Variants in ACACA observed in about 807,000 individuals in gnomAD.
ACACA encodes the protein acetyl-CoA carboxylase alpha.
ACACA carries 103 observed loss-of-function variants against 296.1 expected under a neutral mutation model. The ratio of observed to expected loss-of-function variants is 0.35; its 90% CI spans 0.30 to 0.41. The LOEUF (loss-of-function observed/expected upper bound fraction) is 0.41, where lower values mean the gene tolerates loss of function less well. Among genes scored for constraint, ACACA ranks in the 10% least tolerant of loss-of-function variants. The pLI is 1.00. For missense variants in ACACA, 1,554 were observed against 2,989.7 expected (o/e 0.52, Z 11.20); for synonymous variants, 953 against 1,038.6 (o/e 0.92, Z 1.58).
At chr17:37,341,572 C>T (rs1299666699) in intron 1 of ACACA, among the ~76,000 whole-genome samples, 1 of 151,854 alleles carries the variant, frequency 6.6e-6, no homozygotes, top group East Asian at 1.9e-4. Context: ...TGCCTGTAAT[C>T]CCAGCTACTC....
intron 7 of ACACA, 54 bp downstream of exon 7, chr17:37,276,979 G>A (rs1427790838): frequency 4.6e-6 from 7 of 1,514,468 alleles, no homozygotes; most frequent in Non-Finnish European, 6.4e-6. Flanking sequence ...GTAAAATGTG[G>A]GCAAAATTGA....
At chr17:37,342,406 C>CAAAAAAA (rs1173872959) in intron 1 of ACACA, among the ~76,000 whole-genome samples, 10 of 21,118 alleles carry the variant, frequency 4.7e-4, no homozygotes, top group African/African-American at 1.0e-3. Context: ...GACTGTCTCT[C>CAAAAAAA]AAAAAAAAAA....
intron 45 of ACACA, chr17:37,143,459 T>C: frequency 4.0e-6 from 1 of 252,398 alleles, no homozygotes; most frequent in South Asian, 5.7e-5. Context: ...ACAACCCCCA[T>C]CCTGTACCAG....
intron 1 of ACACA, among the ~76,000 whole-genome samples, chr17:37,385,793 A>T (rs2050500409): frequency 1.3e-5 from 2 of 152,162 alleles, no homozygotes; most frequent in African/African-American, 4.8e-5. Context: ...GTTAGTTAAA[A>T]GTCCCATGGG....
At chr17:37,369,575 G>T (rs1043097557) in intron 1 of ACACA, 4 of 152,014 alleles carry the variant, frequency 2.6e-5, no homozygotes, top group Non-Finnish European at 4.4e-5. Flanking sequence ...AGCTGAGATG[G>T]TAGGATCACT....
intron 14 of ACACA, among the ~76,000 whole-genome samples, chr17:37,256,716 A>G (rs1598330223): frequency 6.6e-6 from 1 of 152,346 alleles, no homozygotes; most frequent in East Asian, 1.9e-4. Context: ...TGGGTGACAG[A>G]GCAAGACTCT....
intron 3 of ACACA, among the ~76,000 whole-genome samples, chr17:37,293,320 T>C (rs1468203819): frequency 1.3e-5 from 2 of 152,302 alleles, no homozygotes; most frequent in East Asian, 3.9e-4. Flanking sequence ...TTCTGGCACA[T>C]TTTGTATATA....
intron 1 of ACACA, chr17:37,388,839 A>G: frequency 1.2e-6 from 2 of 1,604,718 alleles, no homozygotes; most frequent in Non-Finnish European, 8.5e-7. Flanking sequence ...ACCCATAAAG[A>G]CTTTCTTCTG....
At chr17:37,239,279 G>A (rs566871385) in intron 24 of ACACA, among the ~76,000 whole-genome samples, 2 of 152,188 alleles carry the variant, frequency 1.3e-5, no homozygotes, top group East Asian at 1.9e-4. Context: ...ATCCTTTGAG[G>A]CTTTCTAAAG....
chr17:37,136,898 G>A (rs1425693226), intron 45 of ACACA, among the ~76,000 whole-genome samples: 2 of 151,140 alleles, frequency 1.3e-5, no homozygotes, highest in Non-Finnish European at 2.9e-5. Context: ...AGCCAAGATT[G>A]CACCACTGTA....
chr17:37,380,788 G>C (rs552473093), intron 1 of ACACA, among the ~76,000 whole-genome samples: 1 of 152,118 alleles, frequency 6.6e-6, no homozygotes, highest in African/African-American at 2.4e-5. Flanking sequence ...AGTAGAGACA[G>C]GATTTCACCA....
intron 42 of ACACA, among the ~76,000 whole-genome samples, chr17:37,156,853 G>A (rs2076273160): frequency 6.6e-6 from 1 of 152,168 alleles, no homozygotes; most frequent in Non-Finnish European, 1.5e-5. Flanking sequence ...AGCACAACAC[G>A]GAAAAGACAT....
At chr17:37,363,429 C>A (rs1597713472) in intron 1 of ACACA, among the ~76,000 whole-genome samples, 1 of 151,878 alleles carries the variant, frequency 6.6e-6, no homozygotes, top group East Asian at 2.0e-4. Context: ...GATCCACCCG[C>A]CTTGGCCTCC....
At position 37,223,613 on chromosome 17, in the gene ACACA, A is replaced by G. The variant is rs2079395493; in HGVS notation, c.3475-12T>C. 4 of 1,554,932 alleles carry G rather than the reference A, an allele frequency of 2.6e-6. No individual in the cohort carries two copies. Among genetic ancestry groups the G allele is most frequent in the Middle Eastern group, 1.7e-4 (1 of 5,954 alleles). ...GATAGGATGAGTTTCTAGAAGATAC[A>G]AAGACAGGCTTAAGCCTTACATCAA... On this transcript the variant is annotated splice_polypyrimidine_tract_variant and intron_variant, in intron 27 of 55. Transcript: ENST00000616317.
At chr17:37,269,882 T>C (rs2081992375) in intron 10 of ACACA, among the ~76,000 whole-genome samples, 1 of 152,148 alleles carries the variant, frequency 6.6e-6, no homozygotes, top group African/African-American at 2.4e-5. Context: ...AAGAGCAGAC[T>C]TCTGTCCCAA....
At chr17:37,299,395 A>G in intron 3 of ACACA, 1 of 1,612,938 alleles carries the variant, frequency 6.2e-7, no homozygotes, top group Admixed American at 1.7e-5. Context: ...CACAAGCCGC[A>G]GTTCCTCCTC....
At chr17:37,346,469 AG>A (rs2048624453) in intron 1 of ACACA, among the ~76,000 whole-genome samples, 1 of 152,110 alleles carries the variant, frequency 6.6e-6, no homozygotes, top group Admixed American at 6.6e-5. Context: ...TGGGAGGCCA[AG>A]GCAGGTAAAT....
chr17:37,389,152 A>G (rs1229555499), intron 1 of ACACA: 6 of 1,426,376 alleles, frequency 4.2e-6, no homozygotes, highest in Non-Finnish European at 5.7e-6. Context: ...TTTAGAAGAG[A>G]TGGCTTCCTT....
At chr17:37,335,898 A>G (rs2048095642) in intron 2 of ACACA, among the ~76,000 whole-genome samples, 1 of 152,150 alleles carries the variant, frequency 6.6e-6, no homozygotes, top group African/African-American at 2.4e-5. Context: ...ATGTTAATCA[A>G]TCCGGAATCA....
Sources: gnomAD v4.1 joint callset for allele counts (sites outside exome capture counted in the v4.1 genomes callset) on GRCh38, gnomAD v4.1.1 for gene constraint, MANE v1.5 for transcripts, NCBI Gene and HGNC (gene_info 2026-07-23, HGNC 2026-07-21) for gene names.